Variants in C7orf57 observed in about 807,000 individuals in gnomAD.
The protein encoded by C7orf57 is chromosome 7 open reading frame 57, also known as uncharacterized protein C7orf57.
Under a neutral mutation model 39.0 loss-of-function variants are expected in C7orf57, and 33 were observed. The observed-to-expected ratio is 0.85, with a 90% CI of 0.64 to 1.13. C7orf57 has a LOEUF of 1.13. C7orf57 is among the 50% of genes most tolerant of loss of function. The probability of loss-of-function intolerance (pLI) is 0.00; values close to 1 mark genes in which losing one functional copy is unlikely to be tolerated. For missense variants in C7orf57, 346 were observed against 362.3 expected (o/e 0.95, Z 0.37); for synonymous variants, 124 against 137.1 (o/e 0.90, Z 0.67).
At chr7:48,051,740 TTTCTTTTTCTTTTC>T (rs1790893580) in intron 6 of C7orf57, among the ~76,000 whole-genome samples, 1 of 68,978 alleles carries the variant, frequency 1.4e-5, no homozygotes, top group African/African-American at 3.8e-5. Flanking sequence ...TTTTCTTTTC[TTTCTTTTTCTTTTC>T]TTTCTTTCTT....
intron 2 of C7orf57, 69 bp downstream of exon 2, chr7:48,036,432 T>C: frequency 1.4e-6 from 2 of 1,405,946 alleles, no homozygotes; most frequent in Non-Finnish European, 1.9e-6. Flanking sequence ...CTAGACACGC[T>C]GTGGACCCAA....
intron 2 of C7orf57, 86 bp downstream of exon 2, chr7:48,036,449 C>T (rs958334784): frequency 4.7e-6 from 6 of 1,285,950 alleles, no homozygotes; most frequent in Non-Finnish European, 5.3e-6. Context: ...CCAACGTCCT[C>T]TATGTGGGCT....
intron 5 of C7orf57, among the ~76,000 whole-genome samples, chr7:48,047,180 C>T (rs936797724): frequency 7.9e-5 from 12 of 152,064 alleles, no homozygotes; most frequent in African/African-American, 2.2e-4. Flanking sequence ...GAAGTCTTGA[C>T]AGGAGGACCT....
intron 8 of C7orf57, among the ~76,000 whole-genome samples, chr7:48,059,124 A>C (rs1791215362): frequency 6.6e-6 from 1 of 152,156 alleles, no homozygotes. Flanking sequence ...TGCCAAGGCT[A>C]GTGCTAGAGC....
chr7:48,047,232 C>A (rs1432155202), intron 5 of C7orf57, among the ~76,000 whole-genome samples: 2 of 152,204 alleles, frequency 1.3e-5, no homozygotes, highest in Non-Finnish European at 2.9e-5. Flanking sequence ...AAGAGCCAGG[C>A]CTTCAGCTCC....
At chr7:48,044,386 A>G (rs1790652505) in intron 4 of C7orf57, among the ~76,000 whole-genome samples, 1 of 152,198 alleles carries the variant, frequency 6.6e-6, no homozygotes, top group Non-Finnish European at 1.5e-5. Context: ...TGCCGGCTCA[A>G]ATGCCTGGGT....
At chr7:48,059,954 G>A (rs1791244235) in intron 8 of C7orf57, among the ~76,000 whole-genome samples, 2 of 152,094 alleles carry the variant, frequency 1.3e-5, no homozygotes, top group Admixed American at 6.5e-5. Context: ...GCTTATGTCA[G>A]CAGAAACTTT....
rs201858531 is a variant in C7orf57, at chr7:48,036,269, G to T, written c.-40G>T. The stretch of plus-strand genomic sequence containing the variant: ...CAGCGCACCCGCGAACACCAGGTCC[G>T]GCAGCATCTGTCTTTTCCCGCAGCG... On this transcript the variant is annotated 5_prime_UTR_variant, in exon 2 of 9. Transcript: ENST00000348904. The T allele has an allele frequency of 3.2e-6, 5 of 1,557,884 alleles. No individual in the cohort carries two copies. The highest frequency in any genetic ancestry group is 1.4e-5 in the African/African-American group (1 of 73,392).
At chr7:48,040,321 G>A (rs904831804) in intron 2 of C7orf57, among the ~76,000 whole-genome samples, 4 of 152,170 alleles carry the variant, frequency 2.6e-5, no homozygotes, top group Non-Finnish European at 5.9e-5. Flanking sequence ...TCCTCCACTC[G>A]ATTGTGCCTG....
At chr7:48,053,944 C>T (rs1200944038) in intron 7 of C7orf57, among the ~76,000 whole-genome samples, 5 of 152,198 alleles carry the variant, frequency 3.3e-5, no homozygotes, top group Non-Finnish European at 7.3e-5. Flanking sequence ...TATACCTCTT[C>T]AGACATTTGA....
chr7:48,041,558 CG>C lies in C7orf57; in HGVS notation c.241+42del, dbSNP rs764181590. On this transcript the variant is annotated intron_variant, in intron 3 of 8. Transcript: ENST00000348904. ...TGCCCTGTTCAGTGTGGCAGCCTCG[CG>C]GGCGGTGAGGGGGGCGTTTGTTCCT... The C allele has an allele frequency of 1.0e-4, 148 of 1,486,850 alleles. 1 individual carries two copies. In the African/African-American group the frequency reaches 1.7e-3, roughly 17 times the overall value. 92.1% of individuals were successfully genotyped at this position (1,486,850 alleles called of 1,614,324 possible).
At chr7:48,051,745 T>TTC (rs369633759) in intron 6 of C7orf57, among the ~76,000 whole-genome samples, 9,723 of 57,128 alleles carry the variant, frequency 0.17, 1,473 homozygotes, top group Middle Eastern at 0.41. Context: ...TTTTCTTTCT[T>TTC]TTTCTTTTCT....
At chr7:48,052,977 A>G in intron 7 of C7orf57, 54 bp downstream of exon 7, 1 of 1,387,870 alleles carries the variant, frequency 7.2e-7, no homozygotes, top group Non-Finnish European at 1.0e-6. Flanking sequence ...ATTGTGATGC[A>G]GCAGCTGACG....
Position 48,049,991 on chromosome 7 carries a change from C to A in C7orf57, c.605+14C>A. 2 of 1,553,624 alleles carry A rather than the reference C, an allele frequency of 1.3e-6. No homozygotes were observed. Among genetic ancestry groups the A allele is most frequent in the Non-Finnish European group, 1.8e-6 (2 of 1,124,940 alleles). ...CTTCCCCCCCGTGTAAGTGCTTGAG[C>A]TACGCCCTCACTGTCTGGACTGGGT... On this transcript the variant is annotated intron_variant, in intron 6 of 8. Coordinates refer to ENST00000348904, the MANE Select transcript of C7orf57 (RefSeq NM_001100159.3).
rs766409273 is a variant in C7orf57, at chr7:48,052,822, G to A, written c.728G>A (p.Arg243Lys). Reference protein sequence around the residue: ...DSDKRTPKTSRASVLSQSPRD... With the variant: ...DSDKRTPKTSKASVLSQSPRD... ...GACAAGAGGACCCCGAAGACCTCCA[G>A]GGCATCAGTGTTATCTCAGTCCCCA... The change falls in exon 7 of 9, where the codon AGG (arginine) becomes AAG (lysine). Residue 243 changes from arginine (R) to lysine (K), a missense_variant. Transcript: ENST00000348904. 6.2e-7 allele frequency: 1 copy of A among 1,613,954 alleles called. No homozygotes were observed. The highest frequency in any genetic ancestry group is 8.5e-7 in the Non-Finnish European group (1 of 1,179,866).
chr7:48,041,293 C>A, intron 2 of C7orf57, 41 bp from the exon 3 acceptor site: 3 of 1,563,048 alleles, frequency 1.9e-6, no homozygotes, highest in Non-Finnish European at 1.7e-6. Context: ...GCCACCCCGA[C>A]ACACAGCAAC....
chr7:48,059,807 T>TA (rs1791239052), intron 8 of C7orf57, among the ~76,000 whole-genome samples: 1 of 152,212 alleles, frequency 6.6e-6, no homozygotes, highest in South Asian at 2.1e-4. Flanking sequence ...GGGTCAACAT[T>TA]AATGAAGATT....
At chr7:48,055,350 G>A (rs952952763) in intron 8 of C7orf57, among the ~76,000 whole-genome samples, 3 of 151,956 alleles carry the variant, frequency 2.0e-5, no homozygotes, top group African/African-American at 4.8e-5. Flanking sequence ...GATAATAATT[G>A]TATACAACTA....
At chr7:48,041,610 T>C in intron 3 of C7orf57, 91 bp downstream of exon 3, 1 of 1,088,960 alleles carries the variant, frequency 9.2e-7, no homozygotes, top group Non-Finnish European at 1.3e-6. Context: ...AAAATATTAC[T>C]ACAGAGTCTG....
Sources: gnomAD v4.1 joint callset for allele counts (sites outside exome capture counted in the v4.1 genomes callset) on GRCh38, gnomAD v4.1.1 for gene constraint, MANE v1.5 for transcripts, NCBI Gene and HGNC (gene_info 2026-07-23, HGNC 2026-07-21) for gene names.